The following VAV1 variants were observed in gnomAD, a reference collection of about 807,000 sequenced individuals.
VAV1 encodes proto-oncogene vav.
VAV1 carries 33 observed loss-of-function variants against 128.1 expected under a neutral mutation model. That is an observed-to-expected ratio of 0.26 (90% CI 0.20 to 0.34). The LOEUF (loss-of-function observed/expected upper bound fraction) is 0.34, where lower values mean the gene tolerates loss of function less well. VAV1 is among the 10% of genes least tolerant of loss of function. VAV1 has a pLI of 1.00. For missense variants in VAV1, 715 were observed against 1,093.7 expected, an observed-to-expected ratio of 0.65 and a Z score of 4.88; for synonymous variants, 394 against 409.8, an observed-to-expected ratio of 0.96 and a Z score of 0.47.
intron 1 of VAV1, among the ~76,000 whole-genome samples, chr19:6,809,976 G>A (rs1971480483): frequency 6.6e-6 from 1 of 152,032 alleles, no homozygotes; most frequent in Non-Finnish European, 1.5e-5. Context: ...TTCAAAACCA[G>A]CCTGGACAAT....
intron 23 of VAV1, among the ~76,000 whole-genome samples, chr19:6,848,385 T>C (rs1312980907): frequency 6.6e-6 from 1 of 151,828 alleles, no homozygotes; most frequent in Non-Finnish European, 1.5e-5. Context: ...CCCTGACCTT[T>C]CTTTTTTCCC....
intron 1 of VAV1, among the ~76,000 whole-genome samples, chr19:6,780,191 G>C (rs1001386142): frequency 4.7e-5 from 7 of 149,630 alleles, no homozygotes; most frequent in African/African-American, 1.7e-4. Flanking sequence ...CAGCTCCTCT[G>C]CTGTGTGATC....
rs1415922905 is a variant in VAV1, at chr19:6,777,244, TCCATC to T, written c.204+4235_204+4239del. Among the ~76,000 whole-genome samples the T allele has an allele frequency of 8.7e-6, 1 of 115,264 alleles. No individual in the cohort carries two copies. The highest frequency in any genetic ancestry group is 2.0e-5 in the Non-Finnish European group (1 of 50,650). 75.6% of individuals were successfully genotyped at this position (115,264 alleles called of 152,430 possible). A position where few individuals can be genotyped will look rare whatever the true frequency, so the allele number is the denominator to read the frequency against. On this transcript the variant is annotated intron_variant, in intron 1 of 26. Coordinates refer to ENST00000602142, the MANE Select transcript of VAV1 (RefSeq NM_005428.4). The surrounding 1 kb of genome is among the most constrained non-coding windows in gnomAD (Gnocchi z 4.4). Reference sequence around the variant, plus strand: ...ATTTATCTGTTTAACTATCCATCCATCCATCCATCCATCCATCCATCCATCCATCC... The same window carrying T: ...ATTTATCTGTTTAACTATCCATCCATCATCCATCCATCCATCCATCCATCC...
chr19:6,833,167 T>A lies in VAV1; in HGVS notation c.1509-17T>A, dbSNP rs752833866. ...ACTGACCTTCTTTTTTTTTTTTTTT[T>A]AATTTTCCCCTGCCAGCTCCAACAT... On this transcript the variant is annotated splice_polypyrimidine_tract_variant and intron_variant, in intron 15 of 26. Transcript: ENST00000602142. 3.2e-6 allele frequency: 5 copies of A among 1,563,966 alleles called. No homozygotes were observed. Among genetic ancestry groups the A allele is most frequent in the East Asian group, 2.2e-5 (1 of 44,566 alleles).
intron 13 of VAV1, 67 bp from the exon 14 acceptor site, chr19:6,829,719 A>G: frequency 1.3e-6 from 2 of 1,595,604 alleles, no homozygotes. Flanking sequence ...ATGTGGAGGA[A>G]CTGGTCAGAG....
At chr19:6,844,528 C>T (rs1347010965) in intron 22 of VAV1, among the ~76,000 whole-genome samples, 1 of 152,168 alleles carries the variant, frequency 6.6e-6, no homozygotes, top group African/African-American at 2.4e-5. Context: ...ACGCTCCCAT[C>T]TTCTAAGTGT....
chr19:6,814,671 C>CCTTCCTTTCTTTCTTTCTTTCTCTCTTT, intron 1 of VAV1, among the ~76,000 whole-genome samples: 3 of 25,796 alleles, frequency 1.2e-4, no homozygotes, highest in African/African-American at 4.8e-4. Flanking sequence ...TTCCTTCCTT[C>CCTTCCTTTCTTTCTTTCTTTCTCTCTTT]CTTTCTTTCT....
In VAV1 at chr19:6,777,599, G is replaced by T. The variant is rs2068238140; in HGVS notation, c.204+4588G>T. ...AATGGTGTTCCAGACAGTGGTTACT[G>T]CCAGTGCAAAGGCCCTGAGGTAGGA... On this transcript the variant is annotated intron_variant, in intron 1 of 26. Coordinates refer to ENST00000602142, the MANE Select transcript of VAV1 (RefSeq NM_005428.4). The surrounding 1 kb of genome is among the most constrained non-coding windows in gnomAD (Gnocchi z 4.4). Among the ~76,000 whole-genome samples, 1 of 152,136 alleles carries T rather than the reference G, an allele frequency of 6.6e-6. No homozygotes were observed. The highest frequency in any genetic ancestry group is 6.6e-5 in the Admixed American group (1 of 15,250).
chr19:6,828,985 A>G lies in VAV1; in HGVS notation c.1265+85A>G. ...CTAGATGGGCAGGTGGGTGGAGTCA[A>G]CACAGATCTGGGTGGAGCCTGGGCA... On this transcript the variant is annotated intron_variant, in intron 13 of 26. Coordinates refer to ENST00000602142, the MANE Select transcript of VAV1 (RefSeq NM_005428.4). The surrounding 1 kb of genome is among the most constrained non-coding windows in gnomAD (Gnocchi z 4.5). The G allele has an allele frequency of 6.6e-7, 1 of 1,510,134 alleles. No homozygotes were observed. The highest frequency in any genetic ancestry group is 9.1e-7 in the Non-Finnish European group (1 of 1,096,256). The allele number at this position is 1,510,134 out of a possible 1,614,324, so 93.5% of individuals were successfully genotyped here. A position where few individuals can be genotyped will look rare whatever the true frequency, so the allele number is the denominator to read the frequency against.
chr19:6,785,762 T>C (rs528392862), intron 1 of VAV1, among the ~76,000 whole-genome samples: 2 of 151,344 alleles, frequency 1.3e-5, no homozygotes, highest in East Asian at 3.9e-4. Context: ...TGGGCCCAAA[T>C]GATTCTCCTG....
intron 1 of VAV1, among the ~76,000 whole-genome samples, chr19:6,816,661 T>G (rs1370115692): frequency 6.6e-6 from 1 of 151,964 alleles, no homozygotes; most frequent in Admixed American, 6.6e-5. Context: ...TAAGCCTGCT[T>G]TCTTGTAGGT....
intron 1 of VAV1, among the ~76,000 whole-genome samples, chr19:6,783,722 C>T (rs1970821888): frequency 6.6e-6 from 1 of 151,964 alleles, no homozygotes; most frequent in African/African-American, 2.4e-5. Flanking sequence ...CTCGCCTCGG[C>T]CTCCCAAAGT....
chr19:6,806,381 G>A (rs12710097), intron 1 of VAV1, among the ~76,000 whole-genome samples: 104,326 of 152,156 alleles, frequency 0.69, 39,651 homozygotes, highest in South Asian at 0.84. Context: ...CACCATGCAC[G>A]GCCAACAATT....
At position 6,830,066 on chromosome 19, in the gene VAV1, G is replaced by A; in HGVS notation, c.1398+148G>A. ...CAGGTGTTTTTTGTTTGTTTGTTTT[G>A]TTCTGTTTTTTAAGATGGAGTCTCG... On this transcript the variant is annotated intron_variant, in intron 14 of 26. Transcript: ENST00000602142. 8 of 1,360,718 alleles carry A rather than the reference G, an allele frequency of 5.9e-6. No homozygotes were observed. In the South Asian group the frequency reaches 9.8e-5, roughly 17 times the overall value. The allele number at this position is 1,360,718 out of a possible 1,614,324, so 84.3% of individuals were successfully genotyped here. A position where few individuals can be genotyped will look rare whatever the true frequency, so the allele number is the denominator to read the frequency against.
chr19:6,836,135 A>C (rs1191210988), intron 19 of VAV1: 4 of 236,776 alleles, frequency 1.7e-5, no homozygotes, highest in Non-Finnish European at 2.5e-5. Flanking sequence ...CGGCCTCCCA[A>C]AGTGCTGGGA....
chr19:6,837,147 G>A, intron 21 of VAV1, 97 bp downstream of exon 21: 1 of 1,313,850 alleles, frequency 7.6e-7, no homozygotes, highest in Non-Finnish European at 1.1e-6. Context: ...GAGTTGGGGA[G>A]GGGGCTGCCC....
In VAV1 at chr19:6,783,465, C is replaced by A. The variant is rs141443224; in HGVS notation, c.204+10454C>A. On this transcript the variant is annotated intron_variant, in intron 1 of 26. Transcript: ENST00000602142. ...AGGCCTGGAAGTGGCGCCATCACCT[C>A]CATCCTTTTTTTTTTTTTTTTTTTT... Among the ~76,000 whole-genome samples the A allele has an allele frequency of 5.5e-3, 798 of 145,716 alleles. 8 individuals are homozygous for A. Among genetic ancestry groups the A allele is most frequent in the African/African-American group, 0.02 (763 of 38,276 alleles).
In VAV1 at chr19:6,822,006, C is replaced by A; in HGVS notation, c.449+147C>A. 1.7e-6 allele frequency: 2 copies of A among 1,196,266 alleles called. No homozygotes were observed. The highest frequency in any genetic ancestry group is 2.4e-5 in the East Asian group (1 of 42,116). 74.1% of individuals were successfully genotyped at this position (1,196,266 alleles called of 1,614,324 possible). ...AACCTTGCCTGAGAGTCTGGGGAGA[C>A]ACAGCCCTGCCCTGGGGTCTTGGGG... On this transcript the variant is annotated intron_variant, in intron 4 of 26. Coordinates refer to ENST00000602142, the MANE Select transcript of VAV1 (RefSeq NM_005428.4). This position sits in a 1 kb window ranked among gnomAD's most constrained non-coding sequence, Gnocchi z 5.9.
Position 6,826,768 on chromosome 19 carries a change from C to A in VAV1, c.927+57C>A. ...CCCGCTCCTCCCCAGGCCCTGGGGG[C>A]AGCAGGGAGGACACTGAGTTGCAGA... is the stretch of plus-strand genomic sequence containing the variant. On this transcript the variant is annotated intron_variant, in intron 9 of 26. Coordinates refer to ENST00000602142, the MANE Select transcript of VAV1 (RefSeq NM_005428.4). The surrounding 1 kb of genome is among the most constrained non-coding windows in gnomAD (Gnocchi z 4.1). The A allele has an allele frequency of 7.4e-7, 1 of 1,356,598 alleles. No homozygotes were observed. The allele number at this position is 1,356,598 out of a possible 1,614,324, so 84.0% of individuals were successfully genotyped here.
Sources: gnomAD v4.1 joint callset for allele counts (sites outside exome capture counted in the v4.1 genomes callset) on GRCh38, gnomAD v4.1.1 for gene constraint, Gnocchi (gnomAD v3.1) non-coding constraint, MANE v1.5 for transcripts, NCBI Gene and HGNC (gene_info 2026-07-23, HGNC 2026-07-21) for gene names.